Variants in AFF1 observed in about 807,000 individuals in gnomAD.
The protein encoded by AFF1 is ALF transcription elongation factor 1.
A neutral mutation model predicts 121.7 loss-of-function variants in AFF1; 48 were observed. The ratio of observed to expected loss-of-function variants is 0.39; its 90% CI spans 0.31 to 0.50. The LOEUF (loss-of-function observed/expected upper bound fraction) is 0.50, where lower values mean the gene tolerates loss of function less well. AFF1 is among the 20% of genes least tolerant of loss of function. AFF1 has a pLI of 0.76. For missense variants in AFF1, 1,523 were observed against 1,511.7 expected, an observed-to-expected ratio of 1.01 and a Z score of -0.12; for synonymous variants, 613 against 563.0, an observed-to-expected ratio of 1.09 and a Z score of -1.26.
intron 4 of AFF1, among the ~76,000 whole-genome samples, chr4:87,052,358 A>C (rs1295911441): frequency 6.6e-6 from 1 of 152,208 alleles, no homozygotes; most frequent in African/African-American, 2.4e-5. Context: ...GGTTGTAGGG[A>C]GTTGAGATAC....
chr4:87,106,911 T>A (rs147768263), intron 10 of AFF1, among the ~76,000 whole-genome samples: 110 of 152,344 alleles, frequency 7.2e-4, no homozygotes, highest in African/African-American at 2.5e-3. Context: ...AATTATATCT[T>A]ATTTTGTTCA....
chr4:87,138,490 GGT>G lies in AFF1; in HGVS notation c.*2820_*2821del, dbSNP rs35457894. On this transcript the variant is annotated 3_prime_UTR_variant, in exon 21 of 21. Transcript: ENST00000395146. ...GTAAATCTTGCCTTTGGCACTACAA[GGT>G]GTGTGTGTGTGTGTGTGTGTGTGTG... is the stretch of plus-strand genomic sequence containing the variant. 0.18 allele frequency: 39,888 copies of G among 216,052 alleles called. 2,409 individuals are homozygous for G. Among genetic ancestry groups the G allele is most frequent in the East Asian group, 0.28 (4,097 of 14,732 alleles). The allele number at this position is 216,052 out of a possible 1,614,324, so 13.4% of individuals were successfully genotyped here. A position where few individuals can be genotyped will look rare whatever the true frequency, so the allele number is the denominator to read the frequency against.
In AFF1 at chr4:86,998,098, C is replaced by CAAAAAAAAAAAAAAAAA. The variant is rs56741955; in HGVS notation, c.39-48055_39-48039dup. 5.2e-4 allele frequency among the ~76,000 whole-genome samples: 48 copies of CAAAAAAAAAAAAAAAAA among 91,754 alleles called. 1 individual carries two copies. Among genetic ancestry groups the CAAAAAAAAAAAAAAAAA allele is most frequent in the East Asian group, 2.0e-3 (6 of 3,046 alleles). 60.2% of individuals were successfully genotyped at this position (91,754 alleles called of 152,430 possible). A position where few individuals can be genotyped will look rare whatever the true frequency, so the allele number is the denominator to read the frequency against. On this transcript the variant is annotated intron_variant, in intron 2 of 20. Transcript: ENST00000395146. ...AGGCAATAAGAGCGAAACTCCGTCT[C>CAAAAAAAAAAAAAAAAA]AAAAAAAAAAAAAAAAAAAAAAAAA...
intron 1 of AFF1, among the ~76,000 whole-genome samples, chr4:86,939,143 T>TG (rs1720273833): frequency 6.6e-6 from 1 of 152,210 alleles, no homozygotes; most frequent in African/African-American, 2.4e-5. Flanking sequence ...AAAGGGCCTG[T>TG]GCAGGTGGAA....
chr4:87,108,598 A>G (rs1726165059), intron 11 of AFF1, among the ~76,000 whole-genome samples: 1 of 152,228 alleles, frequency 6.6e-6, no homozygotes, highest in Non-Finnish European at 1.5e-5. Context: ...CAACTCATTA[A>G]GACTGTTTGC....
At chr4:87,090,150 AGTATT>A in intron 6 of AFF1, 80 bp downstream of exon 6, 1 of 1,153,044 alleles carries the variant, frequency 8.7e-7, no homozygotes, top group Non-Finnish European at 1.3e-6. Flanking sequence ...AGATTGATAA[AGTATT>A]ACTTGTTCAA....
chr4:87,023,587 G>T (rs1413147515), intron 2 of AFF1, among the ~76,000 whole-genome samples: 1 of 152,220 alleles, frequency 6.6e-6, no homozygotes, highest in Non-Finnish European at 1.5e-5. Flanking sequence ...ATTAAAAAAA[G>T]TGTAGATAGT....
chr4:86,956,079 C>T (rs1721718697), intron 2 of AFF1, among the ~76,000 whole-genome samples: 2 of 152,158 alleles, frequency 1.3e-5, no homozygotes, highest in Non-Finnish European at 2.9e-5. Flanking sequence ...TTGGCCTGGG[C>T]ATTGTAAATA....
In AFF1 at chr4:87,137,722, T is replaced by A. The variant is rs1352194263; in HGVS notation, c.*2021T>A. On this transcript the variant is annotated 3_prime_UTR_variant, in exon 21 of 21. Transcript: ENST00000395146. ...TGTGTAGCATTGTGTGTCCATCTGT[T>A]ATATGTAAAGGACAAGGCACCAGAA... 1 of 232,508 alleles carries A rather than the reference T, an allele frequency of 4.3e-6. No individual in the cohort carries two copies. Among genetic ancestry groups the A allele is most frequent in the East Asian group, 6.1e-5 (1 of 16,518 alleles). The allele number at this position is 232,508 out of a possible 1,614,324, so 14.4% of individuals were successfully genotyped here.
intron 12 of AFF1, among the ~76,000 whole-genome samples, chr4:87,123,508 C>T: frequency 6.6e-6 from 1 of 152,168 alleles, no homozygotes. Context: ...CACTTGTGCA[C>T]ATGCCGCAAG....
intron 1 of AFF1, chr4:86,936,195 G>A (rs1264646359): frequency 6.6e-6 from 1 of 152,232 alleles, no homozygotes; most frequent in African/African-American, 2.4e-5. Context: ...GAAAGGCCTT[G>A]CAGCCAAGTG....
Position 87,091,830 on chromosome 4 carries a change from G to A in AFF1, c.1228+1G>A. On this transcript the variant is annotated splice_donor_variant, in intron 7 of 20. Coordinates refer to ENST00000395146, the MANE Select transcript of AFF1 (RefSeq NM_001166693.3). LOFTEE classifies it high-confidence loss of function. ...GTCAGTTCTGTAACCCAAAACCAAA[G>A]TAAGTAAATTTGAAACTGCTTATTG... 6.4e-7 allele frequency: 1 copy of A among 1,559,764 alleles called. No individual in the cohort carries two copies. The highest frequency in any genetic ancestry group is 8.7e-7 in the Non-Finnish European group (1 of 1,153,964).
At chr4:86,973,561 A>G (rs922364275) in intron 2 of AFF1, among the ~76,000 whole-genome samples, 5 of 152,148 alleles carry the variant, frequency 3.3e-5, no homozygotes, top group Non-Finnish European at 5.9e-5. Context: ...GGACTGGTGT[A>G]GCAACTTGTC....
chr4:87,136,839 C>G lies in AFF1; in HGVS notation c.*1138C>G, dbSNP rs1028313021. 2 of 220,880 alleles carry G rather than the reference C, an allele frequency of 9.1e-6. No individual in the cohort carries two copies. Among genetic ancestry groups the G allele is most frequent in the Non-Finnish European group, 1.8e-5 (2 of 110,520 alleles). The allele number at this position is 220,880 out of a possible 1,614,324, so 13.7% of individuals were successfully genotyped here. On this transcript the variant is annotated 3_prime_UTR_variant, in exon 21 of 21. Coordinates refer to ENST00000395146, the MANE Select transcript of AFF1 (RefSeq NM_001166693.3). ...CTAGACTTTCAGAGTCCTTGATTGT[C>G]TAGGGGAAGTTAACTCCCTGAGAGG...
chr4:86,963,963 GT>G (rs3035477), intron 2 of AFF1, among the ~76,000 whole-genome samples: 9,277 of 104,318 alleles, frequency 0.089, 536 homozygotes, highest in African/African-American at 0.18. Context: ...GACTAGACTG[GT>G]TTTTTTTTTT....
intron 2 of AFF1, among the ~76,000 whole-genome samples, chr4:87,022,668 GTA>G (rs1560547771): frequency 1.0e-4 from 15 of 144,234 alleles, no homozygotes; most frequent in Admixed American, 3.5e-4. Context: ...ATATGTGTGT[GTA>G]TATATATGTG....
At chr4:87,112,242 AC>A (rs1247999620) in intron 11 of AFF1, among the ~76,000 whole-genome samples, 1 of 152,130 alleles carries the variant, frequency 6.6e-6, no homozygotes, top group African/African-American at 2.4e-5. Context: ...TCTACTCTTA[AC>A]CATTCTGCGT....
intron 2 of AFF1, among the ~76,000 whole-genome samples, chr4:87,011,462 T>C (rs562442119): frequency 4.6e-5 from 7 of 152,306 alleles, no homozygotes; most frequent in Admixed American, 2.0e-4. Context: ...CTTAAACTGG[T>C]ATAGATCCAG....
chr4:86,958,217 C>T (rs754864801), intron 2 of AFF1, among the ~76,000 whole-genome samples: 45 of 151,604 alleles, frequency 3.0e-4, no homozygotes, highest in Non-Finnish European at 5.9e-4. Flanking sequence ...CCTCAGCCTC[C>T]CGAGTAGCTG....
Sources: allele counts gnomAD v4.1 joint callset (sites outside exome capture counted in the v4.1 genomes callset), GRCh38; gene constraint gnomAD v4.1.1; transcripts MANE v1.5; gene names NCBI Gene and HGNC (gene_info 2026-07-23, HGNC 2026-07-21).